ANOS1: variants seen among roughly 807,000 people sequenced by gnomAD.
ANOS1 encodes anosmin-1.
Under a neutral mutation model 59.0 loss-of-function variants are expected in ANOS1, and 6 were observed. That is an observed-to-expected ratio of 0.10 (90% CI 0.06 to 0.20). The LOEUF is 0.20. ANOS1 is among the 10% of genes least tolerant of loss of function. The pLI, the probability that ANOS1 is intolerant of heterozygous loss-of-function variation, is 1.00. For missense variants in ANOS1, 433 were observed against 542.3 expected, an observed-to-expected ratio of 0.80 and a Z score of 2.00; for synonymous variants, 217 against 223.4, an observed-to-expected ratio of 0.97 and a Z score of 0.25.
At chrX:8,714,138 C>T (rs1932828697) in intron 1 of ANOS1, among the ~76,000 whole-genome samples, 1 of 111,944 alleles carries the variant, frequency 8.9e-6, no homozygotes, top group Admixed American at 9.5e-5. Flanking sequence ...GCTGTCTTGG[C>T]CTCATCTCAG....
chrX:8,728,911 C>T (rs1932944086), intron 1 of ANOS1, among the ~76,000 whole-genome samples: 1 of 111,861 alleles, frequency 8.9e-6, no homozygotes, highest in Admixed American at 9.5e-5. Flanking sequence ...GGGGCAGAAA[C>T]AGCCTGCAGA....
intron 1 of ANOS1, among the ~76,000 whole-genome samples, chrX:8,705,636 C>G (rs1216150640): frequency 8.9e-6 from 1 of 111,933 alleles, no homozygotes; most frequent in African/African-American, 3.3e-5. Context: ...ATATAGTACT[C>G]TTTGAGCAGA....
chrX:8,531,422 C>T lies in ANOS1; in HGVS notation c.*1573G>A, dbSNP rs1204314686. ...CAGGAAACAATAAAACAACAAGAAG[C>T]AAGTACCATTGTCAAAACCTAAGGA... On this transcript the variant is annotated 3_prime_UTR_variant, in exon 14 of 14. Transcript: ENST00000262648. 1.8e-5 allele frequency: 2 copies of T among 111,536 alleles called. No individual in the cohort carries two copies. The highest frequency in any genetic ancestry group is 6.5e-5 in the African/African-American group (2 of 30,666). 9.2% of individuals were successfully genotyped at this position (111,536 alleles called of 1,213,427 possible).
intron 1 of ANOS1, among the ~76,000 whole-genome samples, chrX:8,709,928 A>C (rs1932801918): frequency 1.8e-5 from 2 of 110,254 alleles, no homozygotes; most frequent in Non-Finnish European, 3.8e-5. Context: ...GTGTTATCTT[A>C]TAATTTTTTT....
chrX:8,668,724 C>T (rs893146054), intron 2 of ANOS1, among the ~76,000 whole-genome samples: 2 of 109,230 alleles, frequency 1.8e-5, no homozygotes, highest in Non-Finnish European at 3.8e-5. Context: ...AAAACCTCCA[C>T]GTCTATAGTA....
chrX:8,574,812 T>C (rs1036550803), intron 6 of ANOS1, among the ~76,000 whole-genome samples: 15 of 111,469 alleles, frequency 1.3e-4, no homozygotes, highest in Non-Finnish European at 2.6e-4. Flanking sequence ...TGTGAGTCAA[T>C]ACTCCTTAGT....
chrX:8,686,761 G>A (rs931515234), intron 2 of ANOS1, among the ~76,000 whole-genome samples: 2 of 111,182 alleles, frequency 1.8e-5, no homozygotes, highest in African/African-American at 6.6e-5. Flanking sequence ...AGACCAGCCT[G>A]GCCAACATAG....
intron 2 of ANOS1, among the ~76,000 whole-genome samples, chrX:8,636,902 T>A (rs1428387123): frequency 1.8e-5 from 2 of 112,375 alleles, no homozygotes; most frequent in East Asian, 5.6e-4. Context: ...TCATAACTTT[T>A]CAGATGCTTA....
intron 4 of ANOS1, among the ~76,000 whole-genome samples, chrX:8,595,326 C>G (rs887531076): frequency 2.7e-5 from 3 of 110,695 alleles, no homozygotes; most frequent in East Asian, 5.7e-4. Context: ...GAGGCATGAC[C>G]ACAATAAAAC....
At chrX:8,575,203 A>G (rs1232662859) in intron 6 of ANOS1, among the ~76,000 whole-genome samples, 1 of 112,516 alleles carries the variant, frequency 8.9e-6, no homozygotes, top group Admixed American at 9.4e-5. Flanking sequence ...TTGAAATAAA[A>G]TAATTAAAGC....
intron 3 of ANOS1, among the ~76,000 whole-genome samples, chrX:8,601,231 A>G (rs1235770338): frequency 9.1e-6 from 1 of 110,001 alleles, no homozygotes; most frequent in East Asian, 2.8e-4. Context: ...CTTGTATTAA[A>G]TCTGGCAAGT....
Position 8,534,475 on chromosome X carries a change from T to G in ANOS1, c.1843-15A>C, listed in dbSNP as rs1160647144. The G allele has an allele frequency of 1.7e-6, 2 of 1,206,556 alleles. No homozygotes were observed. The highest frequency in any genetic ancestry group is 2.2e-6 in the Non-Finnish European group (2 of 891,394). On this transcript the variant is annotated splice_polypyrimidine_tract_variant and intron_variant, in intron 12 of 13. Coordinates refer to ENST00000262648, the MANE Select transcript of ANOS1 (RefSeq NM_000216.4). Reference sequence around the variant, plus strand: ...ACATAATGATCCTAAGGGGACAACATAAAAGAGCATGCTCACCGACAACCT... The same window carrying G: ...ACATAATGATCCTAAGGGGACAACAGAAAAGAGCATGCTCACCGACAACCT...
intron 3 of ANOS1, among the ~76,000 whole-genome samples, chrX:8,619,094 A>G (rs1327060109): frequency 2.1e-5 from 2 of 96,238 alleles, no homozygotes; most frequent in East Asian, 3.1e-4. Context: ...AAAAAAAAAA[A>G]AAAAAAAGAA....
chrX:8,685,643 AGAAAGAAAGAAAGAAAAAGAAAGG>A (rs1347122042), intron 2 of ANOS1, among the ~76,000 whole-genome samples: 1 of 105,603 alleles, frequency 9.5e-6, no homozygotes, highest in African/African-American at 3.5e-5. Context: ...AAAGAAAGAA[AGAAAGAAAGAAAGAAAAAGAAAGG>A]AAGGAAGGAG....
chrX:8,565,238 C>G lies in ANOS1; in HGVS notation c.1207+2994G>C, dbSNP rs746315301. Among the ~76,000 whole-genome samples the G allele has an allele frequency of 3.6e-5, 4 of 112,062 alleles. No homozygotes were observed. The South Asian group carries it at 1.5e-3, about 42-fold the overall frequency. ...AAAGAATGTTGTTTATTGGAAGAAC[C>G]AGGAGACTAAAAGACATGCTTATTT... On this transcript the variant is annotated intron_variant, in intron 8 of 13. Coordinates refer to ENST00000262648, the MANE Select transcript of ANOS1 (RefSeq NM_000216.4).
intron 2 of ANOS1, among the ~76,000 whole-genome samples, chrX:8,673,738 C>A (rs757136822): frequency 9.0e-6 from 1 of 111,447 alleles, no homozygotes. Flanking sequence ...TAAGTGGTCA[C>A]GTTAGGTAAG....
At chrX:8,714,904 T>C (rs1932833217) in intron 1 of ANOS1, among the ~76,000 whole-genome samples, 1 of 112,140 alleles carries the variant, frequency 8.9e-6, no homozygotes, top group Non-Finnish European at 1.9e-5. Context: ...CATAGTCTAT[T>C]ATGCCCTGAC....
chrX:8,725,727 GAT>G (rs1331411268), intron 1 of ANOS1, among the ~76,000 whole-genome samples: 1 of 44,401 alleles, frequency 2.3e-5, no homozygotes, highest in Non-Finnish European at 3.8e-5. Flanking sequence ...TATATATACA[GAT>G]ATATATATAC....
rs1262002223 is a variant in ANOS1 at position 8,695,755 on chromosome X, CAGG to C, written c.255+3940_255+3942del. On this transcript the variant is annotated intron_variant, in intron 2 of 13. Coordinates refer to ENST00000262648, the MANE Select transcript of ANOS1 (RefSeq NM_000216.4). ...CAAGACAATCAACCACTAAATTGAG[CAGG>C]AGATCTTTCATAACTTTTAAAAAGT... Among the ~76,000 whole-genome samples, 16 of 106,979 alleles carry C rather than the reference CAGG, an allele frequency of 1.5e-4. No homozygotes were observed. The Admixed American group carries it at 1.6e-3, about 11-fold the overall frequency. 92.9% of individuals were successfully genotyped at this position (106,979 alleles called of 115,157 possible). A position where few individuals can be genotyped will look rare whatever the true frequency, so the allele number is the denominator to read the frequency against.
Sources: gnomAD v4.1 joint callset for allele counts (sites outside exome capture counted in the v4.1 genomes callset) on GRCh38, gnomAD v4.1.1 for gene constraint, MANE v1.5 for transcripts, NCBI Gene and HGNC (gene_info 2026-07-23, HGNC 2026-07-21) for gene names.